LINC00237: variants seen among roughly 807,000 people sequenced by gnomAD.
The protein encoded by LINC00237 is long independently transcribed non-coding RNA 237, also known as long intergenic non-protein coding RNA 237.
At chr20:21,087,045 T>C (rs889303893) in intron 3 of LINC00237, among the ~76,000 whole-genome samples, 1 of 146,782 alleles carries the variant, frequency 6.8e-6, no homozygotes, top group African/African-American at 2.5e-5. Flanking sequence ...ATAGAGTACA[T>C]ATATAGTATA....
chr20:21,103,305 A>G (rs2030957410), intron 1 of LINC00237, among the ~76,000 whole-genome samples: 2 of 151,150 alleles, frequency 1.3e-5, no homozygotes, highest in African/African-American at 4.8e-5. Context: ...TCCAAAGTCA[A>G]GAGGTTGAAC....
intron 1 of LINC00237, among the ~76,000 whole-genome samples, chr20:21,098,297 T>C (rs1240125582): frequency 2.0e-5 from 3 of 152,110 alleles, no homozygotes; most frequent in African/African-American, 7.2e-5. Flanking sequence ...CCCCCAATCA[T>C]AAATAGCAGA....
chr20:21,089,487 G>C (rs6047242), intron 2 of LINC00237, among the ~76,000 whole-genome samples: 20,233 of 151,944 alleles, frequency 0.13, 1,508 homozygotes, highest in East Asian at 0.31. Context: ...GAATCACCCC[G>C]GGCCTGCCAT....
intron 1 of LINC00237, among the ~76,000 whole-genome samples, chr20:21,095,684 T>C (rs976030556): frequency 2.0e-5 from 3 of 152,218 alleles, no homozygotes; most frequent in African/African-American, 7.2e-5. Flanking sequence ...GAAGGAGATC[T>C]TTAAGGCAGT....
At chr20:21,099,899 GT>G (rs2030907772) in intron 1 of LINC00237, among the ~76,000 whole-genome samples, 1 of 152,176 alleles carries the variant, frequency 6.6e-6, no homozygotes, top group Non-Finnish European at 1.5e-5. Context: ...CACAGATGTT[GT>G]TTGGCTGAAG....
At chr20:21,094,676 G>C (rs1465030342) in intron 1 of LINC00237, among the ~76,000 whole-genome samples, 1 of 152,168 alleles carries the variant, frequency 6.6e-6, no homozygotes, top group Admixed American at 6.5e-5. Flanking sequence ...TCACACCGTA[G>C]TCCTAATTGG....
chr20:21,095,427 G>T (rs2030844984), intron 1 of LINC00237, among the ~76,000 whole-genome samples: 1 of 152,172 alleles, frequency 6.6e-6, no homozygotes, highest in Admixed American at 6.5e-5. Context: ...TGTTGTTGTT[G>T]TAAGTCACTA....
intron 1 of LINC00237, among the ~76,000 whole-genome samples, chr20:21,100,953 G>T (rs2236177): frequency 0.024 from 3,655 of 152,282 alleles, 116 homozygotes; most frequent in South Asian, 0.14. Context: ...GCCACGACGC[G>T]CCGCCTTTCA....
chr20:21,096,243 C>T (rs868127250), intron 1 of LINC00237, among the ~76,000 whole-genome samples: 2 of 152,188 alleles, frequency 1.3e-5, no homozygotes, highest in Non-Finnish European at 2.9e-5. Flanking sequence ...AATTTATTAT[C>T]GCCATATAAG....
At chr20:21,098,092 T>C (rs1283771610) in intron 1 of LINC00237, among the ~76,000 whole-genome samples, 2 of 152,182 alleles carry the variant, frequency 1.3e-5, no homozygotes, top group Admixed American at 1.3e-4. Context: ...CCAAAGGGGA[T>C]AGGTTCTGTA....
At chr20:21,085,712 TG>T (rs1348185616) in exon 4 of LINC00237, among the ~76,000 whole-genome samples, 2 of 152,224 alleles carry the variant, frequency 1.3e-5, no homozygotes, top group African/African-American at 4.8e-5. Flanking sequence ...ATGCTGCTGA[TG>T]TTTTTTTCTT....
At chr20:21,089,383 A>T (rs145838730) in intron 2 of LINC00237, among the ~76,000 whole-genome samples, 169 of 151,992 alleles carry the variant, frequency 1.1e-3, no homozygotes, top group African/African-American at 3.9e-3. Context: ...AGAATCCTGT[A>T]TGTCACCATT....
At position 21,086,496 on chromosome 20, in the gene LINC00237, TAGAG is replaced by T. The variant is rs1362779141; in HGVS notation, n.560-612_560-609del. 1.6e-3 allele frequency among the ~76,000 whole-genome samples: 230 copies of T among 146,524 alleles called. 2 individuals carry two copies. Among genetic ancestry groups the T allele is most frequent in the African/African-American group, 5.5e-3 (219 of 39,846 alleles). ...ACGTATAGATATGTATCTATATATATAGAGAGAGATACATATCTATATAGATACA... is the reference window on the plus strand; with the variant it reads ...ACGTATAGATATGTATCTATATATATAGAGATACATATCTATATAGATACA... On this transcript the variant is annotated intron_variant and non_coding_transcript_variant, in intron 3 of 3. Transcript: ENST00000691244.
At chr20:21,102,696 GAA>G (rs34351894) in intron 1 of LINC00237, among the ~76,000 whole-genome samples, 1,720 of 130,862 alleles carry the variant, frequency 0.013, 36 homozygotes, top group African/African-American at 0.045. Flanking sequence ...TATTTTATAA[GAA>G]AAAAAAAAAA....
chr20:21,087,521 A>G (rs2030730545), intron 3 of LINC00237: 1 of 152,176 alleles, frequency 6.6e-6, no homozygotes, highest in African/African-American at 2.4e-5. Context: ...CTCCAAAAAC[A>G]TCATCCCAGT....
intron 1 of LINC00237, among the ~76,000 whole-genome samples, chr20:21,100,392 A>G (rs2122181166): frequency 1.3e-5 from 2 of 152,350 alleles, no homozygotes; most frequent in South Asian, 4.1e-4. Context: ...GCCCAGCGTT[A>G]GCCCGGGGTT....
chr20:21,099,445 T>C (rs1365786099), intron 1 of LINC00237, among the ~76,000 whole-genome samples: 3 of 152,170 alleles, frequency 2.0e-5, no homozygotes, highest in Non-Finnish European at 4.4e-5. Flanking sequence ...CTGTGAGCCT[T>C]CCTTGCAGAT....
intron 2 of LINC00237, among the ~76,000 whole-genome samples, chr20:21,092,123 C>T (rs572052529): frequency 1.3e-5 from 2 of 152,300 alleles, no homozygotes; most frequent in African/African-American, 4.8e-5. Context: ...GATGTTTACT[C>T]CACCCAGTGT....
chr20:21,103,971 G>A (rs756457905), intron 1 of LINC00237, among the ~76,000 whole-genome samples: 7 of 152,156 alleles, frequency 4.6e-5, no homozygotes, highest in Non-Finnish European at 8.8e-5. Flanking sequence ...ATACAACCCA[G>A]TTTGGAGTCC....
Sources: gnomAD v4.1 joint callset for allele counts (sites outside exome capture counted in the v4.1 genomes callset) on GRCh38, gnomAD v4.1.1 for gene constraint, MANE v1.5 for transcripts, NCBI Gene and HGNC (gene_info 2026-07-23, HGNC 2026-07-21) for gene names.